PLSCR4: variants seen among roughly 807,000 people sequenced by gnomAD.
PLSCR4 encodes the protein Ca(2+)-dependent phospholipid scramblase 4.
A neutral mutation model predicts 36.3 loss-of-function variants in PLSCR4; 25 were observed. That is an observed-to-expected ratio of 0.69 (90% CI 0.50 to 0.96). The LOEUF (loss-of-function observed/expected upper bound fraction) is 0.96, where lower values mean the gene tolerates loss of function less well. Ranked by LOEUF, PLSCR4 falls within the 40% of genes least tolerant of loss-of-function variation. PLSCR4 has a pLI of 0.00. For synonymous variants in PLSCR4, 122 were observed against 132.9 expected (o/e 0.92, Z 0.56); for missense variants, 408 against 414.7 (o/e 0.98, Z 0.14).
At chr3:146,240,499 AG>A (rs1427599191) in intron 1 of PLSCR4, among the ~76,000 whole-genome samples, 6 of 152,148 alleles carry the variant, frequency 3.9e-5, no homozygotes, top group African/African-American at 1.4e-4. Flanking sequence ...CAGCTACAGG[AG>A]AGGCTGATGT....
At chr3:146,239,312 C>T (rs763566285) in intron 1 of PLSCR4, among the ~76,000 whole-genome samples, 2 of 152,110 alleles carry the variant, frequency 1.3e-5, no homozygotes, top group Non-Finnish European at 2.9e-5. Flanking sequence ...ACTCAGACTT[C>T]CTGCTTTCAA....
At chr3:146,232,671 G>T (rs1316700716) in intron 1 of PLSCR4, among the ~76,000 whole-genome samples, 2 of 152,126 alleles carry the variant, frequency 1.3e-5, no homozygotes, top group Admixed American at 6.5e-5. Flanking sequence ...AAATGCTACT[G>T]ATTGTTTTAC....
At chr3:146,196,457 C>A (rs1218268872) in intron 7 of PLSCR4, 175 bp downstream of exon 7, 5 of 596,342 alleles carry the variant, frequency 8.4e-6, no homozygotes, top group African/African-American at 3.7e-5. Context: ...TTTTGGAAAA[C>A]CTCAATCTAC....
intron 3 of PLSCR4, among the ~76,000 whole-genome samples, chr3:146,216,387 A>G (rs2108276113): frequency 6.6e-6 from 1 of 152,230 alleles, no homozygotes; most frequent in Non-Finnish European, 1.5e-5. Context: ...CCTGGATACT[A>G]CCCAGATCTG....
chr3:146,202,121 C>A (rs982634058), intron 4 of PLSCR4, among the ~76,000 whole-genome samples: 1 of 151,988 alleles, frequency 6.6e-6, no homozygotes, highest in Non-Finnish European at 1.5e-5. Context: ...TTAATTAAAA[C>A]CTTTTTCTTA....
chr3:146,208,463 C>A (rs1188538500), intron 3 of PLSCR4, among the ~76,000 whole-genome samples: 4 of 152,014 alleles, frequency 2.6e-5, no homozygotes, highest in Non-Finnish European at 5.9e-5. Context: ...TTTTGCACAG[C>A]AAAAACAACA....
Position 146,196,701 on chromosome 3 carries a change from C to T in PLSCR4, c.717G>A (p.Lys239=). ...CACGAACTCTCATCACATTTTCTTT[C>T]TTCTCATTTTGGATGCTGTACACCG... ...CRAVYSIQNE[K]KENVMRVRGP... is the part of the protein sequence containing the mutation. The change falls in exon 7 of 9, where the codon AAG becomes AAA. Residue 239 remains lysine (K), a synonymous_variant. Coordinates refer to ENST00000354952, the MANE Select transcript of PLSCR4 (RefSeq NM_020353.3). 1 of 1,614,026 alleles carries T rather than the reference C, an allele frequency of 6.2e-7. No homozygotes were observed. Among genetic ancestry groups the T allele is most frequent in the East Asian group, 2.2e-5 (1 of 44,878 alleles).
Position 146,222,715 on chromosome 3 carries a change from TG to T in PLSCR4, c.-21-624del, listed in dbSNP as rs1171340531. On this transcript the variant is annotated intron_variant, in intron 1 of 8. Transcript: ENST00000354952. ...CATCTGAAGGCCATGGCAAGGGGTT[TG>T]GCATTTTTGGTATTTGCAACTGGGA... Among the ~76,000 whole-genome samples the T allele has an allele frequency of 5.9e-5, 9 of 152,290 alleles. No homozygotes were observed. The East Asian group carries it at 1.7e-3, about 29-fold the overall frequency.
Position 146,206,413 on chromosome 3 carries a change from T to A in PLSCR4, c.354+113A>T. The A allele has an allele frequency of 4.3e-6, 3 of 705,108 alleles. No individual in the cohort carries two copies. In the South Asian group the frequency reaches 5.3e-5, roughly 12 times the overall value. The allele number at this position is 705,108 out of a possible 1,614,324, so 43.7% of individuals were successfully genotyped here. A position where few individuals can be genotyped will look rare whatever the true frequency, so the allele number is the denominator to read the frequency against. ...TGTTCTTATAGTTTCACAAATGGCA[T>A]CTGTCATCACTGACCCATCTCCTTT... On this transcript the variant is annotated intron_variant, in intron 4 of 8. Coordinates refer to ENST00000354952, the MANE Select transcript of PLSCR4 (RefSeq NM_020353.3).
chr3:146,231,094 C>T (rs1169708455), intron 1 of PLSCR4, among the ~76,000 whole-genome samples: 1 of 152,062 alleles, frequency 6.6e-6, no homozygotes, highest in Non-Finnish European at 1.5e-5. Context: ...TGTTTAGCTC[C>T]CACTATAAAT....
At chr3:146,249,060 G>A (rs1197647319) in intron 1 of PLSCR4, among the ~76,000 whole-genome samples, 2 of 151,802 alleles carry the variant, frequency 1.3e-5, no homozygotes, top group Non-Finnish European at 1.5e-5. Flanking sequence ...GATTTTGAAG[G>A]TCATTAATAA....
In PLSCR4 at chr3:146,227,604, T is replaced by A. The variant is rs143571332; in HGVS notation, c.-21-5512A>T. Among the ~76,000 whole-genome samples, 640 of 146,920 alleles carry A rather than the reference T, an allele frequency of 4.4e-3. 2 individuals carry two copies. The highest frequency in any genetic ancestry group is 7.1e-3 in the Non-Finnish European group (480 of 67,996). ...ATATTTGGAAATTCAATCACAAAAC[T>A]CAACAGGATTAGCTCTTAGAGTAGA... On this transcript the variant is annotated intron_variant, in intron 1 of 8. Coordinates refer to ENST00000354952, the MANE Select transcript of PLSCR4 (RefSeq NM_020353.3).
intron 3 of PLSCR4, among the ~76,000 whole-genome samples, chr3:146,209,651 A>G (rs2034520678): frequency 6.6e-6 from 1 of 152,028 alleles, no homozygotes; most frequent in Admixed American, 6.6e-5. Flanking sequence ...GATCATTACT[A>G]ATTTATTTTT....
intron 1 of PLSCR4, among the ~76,000 whole-genome samples, chr3:146,227,456 A>G (rs1221062452): frequency 6.6e-6 from 1 of 152,148 alleles, no homozygotes; most frequent in Non-Finnish European, 1.5e-5. Flanking sequence ...TATTATATGG[A>G]TATCACCGCA....
intron 1 of PLSCR4, among the ~76,000 whole-genome samples, chr3:146,243,581 G>A (rs528059015): frequency 6.6e-6 from 1 of 152,162 alleles, no homozygotes; most frequent in Non-Finnish European, 1.5e-5. Flanking sequence ...GATGTCACAA[G>A]TGAAAGATGA....
rs1054075713 is a variant in PLSCR4, at chr3:146,201,146, T to G, written c.355-69A>C. The G allele has an allele frequency of 2.1e-5, 20 of 937,620 alleles. No homozygotes were observed. In the Admixed American group the frequency reaches 3.1e-4, roughly 15 times the overall value. 58.1% of individuals were successfully genotyped at this position (937,620 alleles called of 1,614,324 possible). ...ACTAAAATACCACTGTAAAATAAAC[T>G]GATGAAATAGATATTAAAATGCATC... On this transcript the variant is annotated intron_variant, in intron 4 of 8. Transcript: ENST00000354952.
At chr3:146,229,718 G>C (rs1215234404) in intron 1 of PLSCR4, among the ~76,000 whole-genome samples, 2 of 151,574 alleles carry the variant, frequency 1.3e-5, no homozygotes, top group East Asian at 3.9e-4. Context: ...TCCGCCTCCC[G>C]GGTCCACGCC....
intron 6 of PLSCR4, among the ~76,000 whole-genome samples, chr3:146,198,382 G>T (rs923723501): frequency 2.0e-5 from 3 of 152,058 alleles, no homozygotes; most frequent in Non-Finnish European, 2.9e-5. Context: ...TGAGACAAAA[G>T]TGTCATAAAT....
At position 146,195,257 on chromosome 3, in the gene PLSCR4, T is replaced by C. The variant is rs1294618018; in HGVS notation, c.812A>G (p.Asn271Ser). The C allele has an allele frequency of 6.2e-7, 1 of 1,613,722 alleles. No individual in the cohort carries two copies. The highest frequency in any genetic ancestry group is 8.5e-7 in the Non-Finnish European group (1 of 1,179,680). The part of the protein sequence containing the change: ...FEVKSLDGIS[N>S]IGSIIRKWNG... ...CCACTTCCGGATAATACTGCCGATG[T>C]TGGATATGCCATCAAGGGATTTGAC... Residue 271 changes from asparagine to serine, a missense_variant, in exon 8 of 9, where the codon AAC becomes AGC. By Grantham distance (46) the Asn-to-Ser change is conservative (BLOSUM62 1). Transcript: ENST00000354952.
Sources: gnomAD v4.1 joint callset for allele counts (sites outside exome capture counted in the v4.1 genomes callset) on GRCh38, gnomAD v4.1.1 for gene constraint, MANE v1.5 for transcripts, NCBI Gene and HGNC (gene_info 2026-07-23, HGNC 2026-07-21) for gene names.